Variants in FHAD1 observed in about 807,000 individuals in gnomAD.
FHAD1 encodes the protein forkhead associated phosphopeptide binding domain 1.
In FHAD1, 146 loss-of-function variants were observed where a neutral mutation model predicts 191.3. The ratio of observed to expected loss-of-function variants is 0.76; its 90% CI spans 0.67 to 0.88. The LOEUF (loss-of-function observed/expected upper bound fraction) is 0.88, where lower values mean the gene tolerates loss of function less well. Among genes scored for constraint, FHAD1 ranks in the 40% least tolerant of loss-of-function variants. FHAD1 has a pLI of 0.00. For synonymous variants in FHAD1, 616 were observed against 672.3 expected (o/e 0.92, Z 1.29); for missense variants, 1,635 against 1,785.8 (o/e 0.92, Z 1.52).
At chr1:15,377,142 C>T (rs1466329921) in intron 28 of FHAD1, among the ~76,000 whole-genome samples, 1 of 151,900 alleles carries the variant, frequency 6.6e-6, no homozygotes, top group African/African-American at 2.4e-5. Context: ...GCCGAGGGCA[C>T]GTGTGCTGCC....
intron 2 of FHAD1, among the ~76,000 whole-genome samples, chr1:15,253,149 TGTG>T (rs1214886714): frequency 1.8e-4 from 1 of 5,448 alleles, no homozygotes; most frequent in African/African-American, 6.5e-4. Flanking sequence ...ACATAAGTGC[TGTG>T]TGTGTGTGTG....
rs1460662324 is a variant in FHAD1, at chr1:15,289,177, T to G, written c.301-222T>G. Among the ~76,000 whole-genome samples the G allele has an allele frequency of 3.3e-5, 5 of 152,080 alleles. No individual in the cohort carries two copies. Among genetic ancestry groups the G allele is most frequent in the Admixed American group, 2.6e-4 (4 of 15,276 alleles). ...TTTTTGAATTTTTGGTGAGGCAGGG[T>G]TTTGCCATGTTGTCCAGGCTGGTCT... On this transcript the variant is annotated intron_variant, in intron 3 of 33. Transcript: ENST00000688493. This position sits in a 1 kb window ranked among gnomAD's most constrained non-coding sequence, Gnocchi z 4.2.
At chr1:15,349,263 C>A in intron 19 of FHAD1, 114 bp downstream of exon 19, 1 of 775,338 alleles carries the variant, frequency 1.3e-6, no homozygotes, top group Non-Finnish European at 2.1e-6. Context: ...TTGAAGTGGC[C>A]AAGATCTGCC....
chr1:15,259,218 C>T (rs190881728), intron 2 of FHAD1, among the ~76,000 whole-genome samples: 1 of 152,042 alleles, frequency 6.6e-6, no homozygotes, highest in Admixed American at 6.6e-5. Context: ...CGGCCACACC[C>T]CCATGTATAG....
chr1:15,379,285 G>A (rs192383377), intron 28 of FHAD1, among the ~76,000 whole-genome samples: 42 of 152,278 alleles, frequency 2.8e-4, no homozygotes, highest in Admixed American at 5.2e-4. Flanking sequence ...GTGAGCAAAG[G>A]TCTTTGCATC....
chr1:15,294,482 C>G (rs1666248848), intron 4 of FHAD1, among the ~76,000 whole-genome samples: 1 of 152,112 alleles, frequency 6.6e-6, no homozygotes, highest in South Asian at 2.1e-4. Flanking sequence ...CAACCTCTAC[C>G]TCCCGGGTTC....
chr1:15,265,776 A>C (rs1261895862), intron 2 of FHAD1, among the ~76,000 whole-genome samples: 1 of 152,116 alleles, frequency 6.6e-6, no homozygotes, highest in Non-Finnish European at 1.5e-5. Flanking sequence ...GTTTGAGACC[A>C]GCCTGGCTAA....
At chr1:15,307,234 T>C (rs1194428061) in intron 6 of FHAD1, among the ~76,000 whole-genome samples, 1 of 152,182 alleles carries the variant, frequency 6.6e-6, no homozygotes, top group Non-Finnish European at 1.5e-5. Flanking sequence ...TTTCTCCCAT[T>C]TGGAATGGCT....
At chr1:15,383,980 G>T in intron 31 of FHAD1, 1 of 347,946 alleles carries the variant, frequency 2.9e-6, no homozygotes, top group Non-Finnish European at 5.8e-6. Context: ...GTGCATTCTC[G>T]TGTGTGTGTA....
chr1:15,381,488 G>C lies in FHAD1; in HGVS notation c.4022+37G>C. 1 of 1,491,204 alleles carries C rather than the reference G, an allele frequency of 6.7e-7. No individual in the cohort carries two copies. The highest frequency in any genetic ancestry group is 9.1e-7 in the Non-Finnish European group (1 of 1,094,416). The allele number at this position is 1,491,204 out of a possible 1,614,324, so 92.4% of individuals were successfully genotyped here. ...CCCCCATGTCCCCACAGAAAGGCCC[G>C]GGCCTCCCTTCTCCTGGCTAAACTC... is the stretch of plus-strand genomic sequence containing the variant. On this transcript the variant is annotated intron_variant, in intron 30 of 33. Transcript: ENST00000688493. The surrounding 1 kb of genome is among the most constrained non-coding windows in gnomAD (Gnocchi z 4.6).
intron 32 of FHAD1, 56 bp downstream of exon 32, chr1:15,388,187 G>A: frequency 3.5e-6 from 4 of 1,133,548 alleles, no homozygotes; most frequent in Non-Finnish European, 3.5e-6. Context: ...TCAACTGGGG[G>A]TAAGAGCTCA....
intron 2 of FHAD1, among the ~76,000 whole-genome samples, chr1:15,257,386 T>G (rs1245790520): frequency 6.6e-6 from 1 of 152,204 alleles, no homozygotes; most frequent in South Asian, 2.1e-4. Flanking sequence ...CCCCTCAAGT[T>G]TTGAGAGAGA....
intron 26 of FHAD1, 22 bp from the exon 27 acceptor site, chr1:15,374,480 G>T: frequency 1.9e-6 from 3 of 1,551,442 alleles, no homozygotes; most frequent in Non-Finnish European, 2.6e-6. Context: ...ATCAAATGCT[G>T]CCCGCCCCAT....
chr1:15,343,609 G>A (rs1403704505), intron 16 of FHAD1, among the ~76,000 whole-genome samples: 3 of 151,890 alleles, frequency 2.0e-5, no homozygotes, highest in Non-Finnish European at 4.4e-5. Context: ...CTGCATTTGC[G>A]AAATAAAAGA....
chr1:15,287,930 C>T (rs1001674024), intron 3 of FHAD1, among the ~76,000 whole-genome samples: 2 of 152,186 alleles, frequency 1.3e-5, no homozygotes, highest in Non-Finnish European at 2.9e-5. Context: ...TGTGTCTGAG[C>T]TCATCTTCTC....
chr1:15,273,789 G>A (rs1657127240), intron 3 of FHAD1, among the ~76,000 whole-genome samples: 1 of 152,186 alleles, frequency 6.6e-6, no homozygotes, highest in South Asian at 2.1e-4. Flanking sequence ...TCAGTGTTGA[G>A]TGCATTCACA....
chr1:15,328,861 G>C (rs531781137), intron 13 of FHAD1: 1 of 162,660 alleles, frequency 6.1e-6, no homozygotes, highest in South Asian at 1.9e-4. Context: ...ACAGCCCTGC[G>C]GCCCCCACCC....
Position 15,375,646 on chromosome 1 carries a change from C to G in FHAD1, c.3621C>G (p.Asn1207Lys). 6.5e-7 allele frequency: 1 copy of G among 1,546,670 alleles called. No homozygotes were observed. The highest frequency in any genetic ancestry group is 8.7e-7 in the Non-Finnish European group (1 of 1,145,144). The change falls in exon 28 of 34, where the codon AAC becomes AAG. Residue 1207 changes from asparagine (N) to lysine (K), a missense_variant. By Grantham distance (94) the Asn-to-Lys change is moderately conservative. Coordinates refer to ENST00000688493, the MANE Select transcript of FHAD1 (RefSeq NM_001391957.1). ...ATGAATCATTTCTAGATTTAAAGAA[C>G]CTCAGAATGGAAAACAATGTCCAGA... is the stretch of plus-strand genomic sequence containing the variant. ...HQNESFLDLK[N>K]LRMENNVQKI...
chr1:15,376,049 A>T lies in FHAD1; in HGVS notation c.3705+319A>T, dbSNP rs937050097. Among the ~76,000 whole-genome samples the T allele has an allele frequency of 1.6e-4, 13 of 79,404 alleles. No individual in the cohort carries two copies. The South Asian group carries it at 2.6e-3, about 16-fold the overall frequency. 52.1% of individuals were successfully genotyped at this position (79,404 alleles called of 152,430 possible). On this transcript the variant is annotated intron_variant, in intron 28 of 33. Transcript: ENST00000688493. ...TTTTATTTTTATTTATTTTTATTTT[A>T]TTTATTTATTTATTTATTTATTTAT...
Sources: allele counts gnomAD v4.1 joint callset (sites outside exome capture counted in the v4.1 genomes callset), GRCh38; gene constraint gnomAD v4.1.1; non-coding constraint Gnocchi (gnomAD v3.1); transcripts MANE v1.5; gene names NCBI Gene and HGNC (gene_info 2026-07-23, HGNC 2026-07-21).